CNTNAP2: variants seen among roughly 807,000 people sequenced by gnomAD.
CNTNAP2 encodes contactin-associated protein-like 2.
In CNTNAP2, 98 loss-of-function variants were observed where a neutral mutation model predicts 155.2. That is an observed-to-expected ratio of 0.63 (90% confidence interval 0.54 to 0.75). The LOEUF (loss-of-function observed/expected upper bound fraction) is 0.75. CNTNAP2 is among the 30% of genes least tolerant of loss of function. CNTNAP2 has a pLI of 0.00. For synonymous variants in CNTNAP2, 651 were observed against 631.2 expected, an observed-to-expected ratio of 1.03 and a Z score of -0.47; for missense variants, 1,727 against 1,688.1, an observed-to-expected ratio of 1.02 and a Z score of -0.40.
At chr7:147,838,880 T>C (rs1458077945) in intron 13 of CNTNAP2, among the ~76,000 whole-genome samples, 1 of 152,096 alleles carries the variant, frequency 6.6e-6, no homozygotes, top group Non-Finnish European at 1.5e-5. Flanking sequence ...CCACTCTACT[T>C]GTGCCAAAAT....
At chr7:148,414,361 C>T (rs988274948) in intron 23 of CNTNAP2, among the ~76,000 whole-genome samples, 4 of 152,082 alleles carry the variant, frequency 2.6e-5, no homozygotes, top group Admixed American at 6.6e-5. Context: ...ATTACAGGCG[C>T]GAGCCACTGC....
intron 1 of CNTNAP2, among the ~76,000 whole-genome samples, chr7:146,450,829 TTAAG>T (rs1356642934): frequency 6.6e-6 from 1 of 152,244 alleles, no homozygotes; most frequent in African/African-American, 2.4e-5. Context: ...AATTTGTAAA[TTAAG>T]TAAGCAATTT....
At chr7:146,570,690 A>G (rs10253800) in intron 1 of CNTNAP2, among the ~76,000 whole-genome samples, 122,527 of 152,026 alleles carry the variant, frequency 0.81, 49,917 homozygotes, top group South Asian at 0.89. Flanking sequence ...AATCCAGATT[A>G]TCATTTTAGA....
intron 1 of CNTNAP2, among the ~76,000 whole-genome samples, chr7:146,147,626 T>A (rs933061738): frequency 3.9e-5 from 6 of 152,136 alleles, no homozygotes; most frequent in Non-Finnish European, 7.4e-5. Context: ...TCAATCCCTT[T>A]AGCCAGCTAG....
At chr7:146,788,374 C>T (rs1280140000) in intron 2 of CNTNAP2, among the ~76,000 whole-genome samples, 1 of 152,220 alleles carries the variant, frequency 6.6e-6, no homozygotes, top group African/African-American at 2.4e-5. Flanking sequence ...GTACTAGAGT[C>T]ATAGGGATTG....
chr7:147,733,453 T>G (rs886093279), intron 13 of CNTNAP2, among the ~76,000 whole-genome samples: 1 of 152,222 alleles, frequency 6.6e-6, no homozygotes, highest in East Asian at 1.9e-4. Context: ...TCAGGTAGCA[T>G]GATGCCTCCA....
chr7:147,364,842 C>T (rs1216238447), intron 9 of CNTNAP2, among the ~76,000 whole-genome samples: 1 of 148,214 alleles, frequency 6.7e-6, no homozygotes, highest in East Asian at 2.0e-4. Context: ...GAGTGAGACT[C>T]AGTCTCGGGA....
chr7:147,586,255 A>C (rs535526558), intron 12 of CNTNAP2, among the ~76,000 whole-genome samples: 7 of 152,110 alleles, frequency 4.6e-5, no homozygotes, highest in African/African-American at 1.7e-4. Context: ...AAAAGTTTGC[A>C]AATGTTTCTT....
At chr7:148,391,171 G>T (rs1799339260) in intron 22 of CNTNAP2, among the ~76,000 whole-genome samples, 1 of 152,174 alleles carries the variant, frequency 6.6e-6, no homozygotes, top group East Asian at 1.9e-4. Flanking sequence ...ACAGGCAATA[G>T]AATTACTCAG....
chr7:147,240,512 A>G (rs777821222), intron 8 of CNTNAP2, among the ~76,000 whole-genome samples: 2 of 152,184 alleles, frequency 1.3e-5, no homozygotes, highest in Non-Finnish European at 2.9e-5. Flanking sequence ...TTCACTTCCA[A>G]TTTTGGAGTG....
At chr7:148,324,820 G>T (rs868290173) in intron 21 of CNTNAP2, among the ~76,000 whole-genome samples, 21 of 139,642 alleles carry the variant, frequency 1.5e-4, no homozygotes, top group Middle Eastern at 7.8e-3. Context: ...GTAGGGATTT[G>T]GGTCTGTTTT....
intron 21 of CNTNAP2, among the ~76,000 whole-genome samples, chr7:148,267,667 AAAAAAC>A (rs1796696659): frequency 6.6e-6 from 1 of 151,474 alleles, no homozygotes; most frequent in Admixed American, 6.6e-5. Flanking sequence ...AAAAAAAAAA[AAAAAAC>A]AACCAAACAA....
chr7:147,227,302 G>A (rs1803569692), intron 8 of CNTNAP2, among the ~76,000 whole-genome samples: 1 of 151,932 alleles, frequency 6.6e-6, no homozygotes, highest in South Asian at 2.1e-4. Flanking sequence ...GGGACCTGGA[G>A]AATATCTAGA....
chr7:146,733,145 C>T (rs1801554874), intron 1 of CNTNAP2, among the ~76,000 whole-genome samples: 1 of 152,054 alleles, frequency 6.6e-6, no homozygotes, highest in Non-Finnish European at 1.5e-5. Flanking sequence ...GCTAAATAGA[C>T]TGATTTTGCT....
At chr7:147,119,879 A>G (rs1443164457) in intron 5 of CNTNAP2, among the ~76,000 whole-genome samples, 1 of 152,154 alleles carries the variant, frequency 6.6e-6, no homozygotes, top group Non-Finnish European at 1.5e-5. Context: ...TTATATTTTT[A>G]TAGTGATTAA....
At chr7:148,220,919 T>C (rs538729066) in intron 19 of CNTNAP2, among the ~76,000 whole-genome samples, 1 of 152,222 alleles carries the variant, frequency 6.6e-6, no homozygotes, top group Admixed American at 6.5e-5. Context: ...ATAAGAACCT[T>C]GGGTTTCTTC....
intron 21 of CNTNAP2, among the ~76,000 whole-genome samples, chr7:148,360,643 A>C (rs985050194): frequency 2.6e-5 from 4 of 152,148 alleles, no homozygotes; most frequent in Non-Finnish European, 5.9e-5. Context: ...GGAGCCCCAA[A>C]CTTACAGAAG....
At chr7:146,758,519 T>G (rs1802030919) in intron 1 of CNTNAP2, among the ~76,000 whole-genome samples, 1 of 152,112 alleles carries the variant, frequency 6.6e-6, no homozygotes. Context: ...GTAAGAACTT[T>G]AATGGACTCA....
intron 13 of CNTNAP2, among the ~76,000 whole-genome samples, chr7:147,766,281 G>T (rs578168897): frequency 2.6e-4 from 39 of 152,160 alleles, no homozygotes; most frequent in African/African-American, 7.5e-4. Flanking sequence ...TGGAAAGTTG[G>T]TACCTATGTT....
Sources: gnomAD v4.1 joint callset for allele counts (sites outside exome capture counted in the v4.1 genomes callset) on GRCh38, gnomAD v4.1.1 for gene constraint, MANE v1.5 for transcripts, NCBI Gene and HGNC (gene_info 2026-07-23, HGNC 2026-07-21) for gene names.